TAFA2: variants seen among roughly 807,000 people sequenced by gnomAD.
TAFA2 encodes the protein TAFA chemokine like family member 2.
In TAFA2, 7 loss-of-function variants were observed where a neutral mutation model predicts 18.8. The ratio of observed to expected loss-of-function variants is 0.37; its 90% CI spans 0.21 to 0.70. The LOEUF is 0.70. Ranked by LOEUF, TAFA2 falls within the 30% of genes least tolerant of loss-of-function variation. The pLI, the probability that TAFA2 is intolerant of heterozygous loss-of-function variation, is 0.53. For synonymous variants in TAFA2, 60 were observed against 54.2 expected, an observed-to-expected ratio of 1.11 and a Z score of -0.47; for missense variants, 122 against 158.1, an observed-to-expected ratio of 0.77 and a Z score of 1.23.
chr12:62,180,966 T>C (rs1399363136), intron 1 of TAFA2, among the ~76,000 whole-genome samples: 1 of 152,216 alleles, frequency 6.6e-6, no homozygotes, highest in Non-Finnish European at 1.5e-5. Context: ...CATTGACAAA[T>C]ATTATTTAAT....
At chr12:61,748,110 A>G (rs532848352) in intron 4 of TAFA2, among the ~76,000 whole-genome samples, 2 of 151,086 alleles carry the variant, frequency 1.3e-5, no homozygotes, top group Admixed American at 1.3e-4. Context: ...ACAGCAATTT[A>G]TGAGGTTGAG....
intron 1 of TAFA2, among the ~76,000 whole-genome samples, chr12:62,153,469 TC>T (rs2062343822): frequency 6.6e-6 from 1 of 151,852 alleles, no homozygotes; most frequent in Non-Finnish European, 1.5e-5. Context: ...TTGAGACCAG[TC>T]TGGGCAACAG....
chr12:62,137,645 C>G (rs1409985889), intron 1 of TAFA2, among the ~76,000 whole-genome samples: 1 of 152,008 alleles, frequency 6.6e-6, no homozygotes, highest in Non-Finnish European at 1.5e-5. Flanking sequence ...AATCCCAACC[C>G]CTCCCCACCA....
chr12:62,107,666 T>C (rs1271318646), intron 1 of TAFA2, among the ~76,000 whole-genome samples: 2 of 152,210 alleles, frequency 1.3e-5, no homozygotes, highest in African/African-American at 2.4e-5. Flanking sequence ...GCTGGACTTT[T>C]TAACTCTTCT....
chr12:61,816,788 G>A (rs1054364124), intron 2 of TAFA2, among the ~76,000 whole-genome samples: 3 of 151,306 alleles, frequency 2.0e-5, no homozygotes, highest in Non-Finnish European at 2.9e-5. Flanking sequence ...TATTTAAGCT[G>A]AGACTTGAAT....
chr12:62,019,658 C>T (rs577233241), intron 1 of TAFA2, among the ~76,000 whole-genome samples: 9 of 106,380 alleles, frequency 8.5e-5, no homozygotes, highest in South Asian at 3.2e-4. Flanking sequence ...CATCACACAC[C>T]GGGGACTGTT....
intron 1 of TAFA2, among the ~76,000 whole-genome samples, chr12:61,965,844 T>G (rs985955738): frequency 6.6e-6 from 1 of 151,810 alleles, no homozygotes; most frequent in Non-Finnish European, 1.5e-5. Flanking sequence ...AGCCGCTGAA[T>G]CTCCTAATCA....
chr12:61,843,520 A>T (rs1873277141), intron 2 of TAFA2, among the ~76,000 whole-genome samples: 2 of 152,088 alleles, frequency 1.3e-5, no homozygotes. Context: ...TAATGGGAAA[A>T]GTCTGTTTTT....
At chr12:62,179,755 C>A (rs1010795425) in intron 1 of TAFA2, among the ~76,000 whole-genome samples, 1 of 152,070 alleles carries the variant, frequency 6.6e-6, no homozygotes, top group Non-Finnish European at 1.5e-5. Context: ...AGAGAGAAAT[C>A]TAGAACAAAC....
chr12:62,071,976 A>T (rs1055767126), intron 1 of TAFA2, among the ~76,000 whole-genome samples: 1 of 152,226 alleles, frequency 6.6e-6, no homozygotes, highest in East Asian at 1.9e-4. Flanking sequence ...ATAAAAAATT[A>T]ATAGCATATT....
rs558195156 is a variant in TAFA2, at chr12:62,054,344, T to C, written c.-2+136915A>G. 1.6e-4 allele frequency among the ~76,000 whole-genome samples: 24 copies of C among 152,342 alleles called. 2 individuals are homozygous for C. The South Asian group carries it at 4.8e-3, about 30-fold the overall frequency. On this transcript the variant is annotated intron_variant, in intron 1 of 4. Coordinates refer to ENST00000416284, the MANE Select transcript of TAFA2 (RefSeq NM_178539.5). Reference sequence around the variant, plus strand: ...TTCACCATTAATGTCCTAGATTCAATGTAAAGACTTACCCATTGTATTGCC... The same window carrying C: ...TTCACCATTAATGTCCTAGATTCAACGTAAAGACTTACCCATTGTATTGCC...
At chr12:62,031,512 C>A (rs1219307654) in intron 1 of TAFA2, among the ~76,000 whole-genome samples, 1 of 152,044 alleles carries the variant, frequency 6.6e-6, no homozygotes, top group Non-Finnish European at 1.5e-5. Context: ...TAGAGACACA[C>A]AAACACACAC....
intron 1 of TAFA2, among the ~76,000 whole-genome samples, chr12:62,208,364 T>C (rs749374555): frequency 1.3e-5 from 2 of 152,184 alleles, no homozygotes; most frequent in Non-Finnish European, 2.9e-5. Context: ...ACTTAACAGT[T>C]TGCACCCATG....
intron 2 of TAFA2, among the ~76,000 whole-genome samples, chr12:61,826,820 T>TTTATGGGTTTTATGATATATATGTAAGAG (rs1872551079): frequency 1.3e-5 from 2 of 152,038 alleles, no homozygotes; most frequent in Non-Finnish European, 2.9e-5. Context: ...TTGTACTTTT[T>TTTATGGGTTTTATGATATATATGTAAGAG]TCTTGGGTTT....
intron 1 of TAFA2, among the ~76,000 whole-genome samples, chr12:62,014,228 G>C (rs563562827): frequency 6.6e-6 from 1 of 152,138 alleles, no homozygotes; most frequent in Non-Finnish European, 1.5e-5. Flanking sequence ...ACACATTAGT[G>C]GACCAACTTT....
intron 2 of TAFA2, among the ~76,000 whole-genome samples, chr12:61,823,320 G>T (rs930558085): frequency 2.0e-5 from 3 of 151,862 alleles, no homozygotes; most frequent in Non-Finnish European, 4.4e-5. Flanking sequence ...TTACAGCCAC[G>T]AGCCACCGCA....
chr12:61,993,020 C>T (rs1880061532), intron 1 of TAFA2, among the ~76,000 whole-genome samples: 3 of 152,038 alleles, frequency 2.0e-5, no homozygotes, highest in Non-Finnish European at 4.4e-5. Context: ...AAAATGAAGC[C>T]CAGGAAGATT....
upstream of TAFA2, among the ~76,000 whole-genome samples, chr12:62,194,337 AC>A (rs2062640294): frequency 6.6e-6 from 1 of 151,348 alleles, no homozygotes; most frequent in African/African-American, 2.4e-5. Context: ...ATACAAAAAA[AC>A]ATAAAGCATA....
intron 2 of TAFA2, among the ~76,000 whole-genome samples, chr12:61,836,667 A>G (rs1446389109): frequency 6.6e-6 from 1 of 150,700 alleles, no homozygotes; most frequent in Non-Finnish European, 1.5e-5. Flanking sequence ...CTTATTTGAA[A>G]GCATTATATA....
Sources: allele counts gnomAD v4.1 joint callset (sites outside exome capture counted in the v4.1 genomes callset), GRCh38; gene constraint gnomAD v4.1.1; transcripts MANE v1.5; gene names NCBI Gene and HGNC (gene_info 2026-07-23, HGNC 2026-07-21).